The following PTPRD variants were observed in gnomAD, a reference collection of about 807,000 sequenced individuals.
The protein encoded by PTPRD is protein tyrosine phosphatase receptor type D.
A neutral mutation model predicts 214.5 loss-of-function variants in PTPRD; 34 were observed. The ratio of observed to expected loss-of-function variants is 0.16; its 90% CI spans 0.12 to 0.21. The LOEUF is 0.21. Among genes scored for constraint, PTPRD ranks in the 10% least tolerant of loss-of-function variants. The pLI is 1.00. For missense variants in PTPRD, 2,545 were observed against 2,398.7 expected (o/e 1.06, Z -1.27); for synonymous variants, 1,128 against 845.7 (o/e 1.33, Z -5.79).
chr9:9,244,841 G>C (rs2099972241), intron 9 of PTPRD, among the ~76,000 whole-genome samples: 1 of 152,220 alleles, frequency 6.6e-6, no homozygotes, highest in South Asian at 2.1e-4. Context: ...CCATCAGAGT[G>C]AACAGGCAAC....
At chr9:10,173,380 G>A (rs1038692083) in intron 3 of PTPRD, among the ~76,000 whole-genome samples, 8 of 152,068 alleles carry the variant, frequency 5.3e-5, no homozygotes, top group Non-Finnish European at 5.9e-5. Context: ...AATGAGTTAA[G>A]GAAAGTTTAA....
chr9:9,022,047 C>T (rs180827727), intron 10 of PTPRD, among the ~76,000 whole-genome samples: 24 of 151,806 alleles, frequency 1.6e-4, no homozygotes, highest in East Asian at 3.9e-4. Context: ...CCTAGATGAC[C>T]GGTTCATAGG....
At chr9:9,319,116 T>A (rs1373237094) in intron 9 of PTPRD, among the ~76,000 whole-genome samples, 1 of 152,196 alleles carries the variant, frequency 6.6e-6, no homozygotes, top group Non-Finnish European at 1.5e-5. Context: ...AGATTCTTAA[T>A]CTGCAAATCA....
rs148942335 is a variant in PTPRD, at chr9:10,226,547, T to C, written c.-545+114416A>G. 6.3e-4 allele frequency among the ~76,000 whole-genome samples: 96 copies of C among 152,102 alleles called. No individual in the cohort carries two copies. The Middle Eastern group carries it at 0.01, about 16-fold the overall frequency. On this transcript the variant is annotated intron_variant, in intron 3 of 45. Coordinates refer to ENST00000381196, the MANE Select transcript of PTPRD (RefSeq NM_002839.4). ...CCAAGCACTCAAAATATACTCCATT[T>C]CCCCAAAAGCTCAACTTGCTAAACA... is the stretch of plus-strand genomic sequence containing the variant.
chr9:10,388,898 T>C (rs942154), intron 2 of PTPRD, among the ~76,000 whole-genome samples: 97,321 of 151,622 alleles, frequency 0.64, 32,214 homozygotes, highest in Non-Finnish European at 0.74. Flanking sequence ...AATAACCAAT[T>C]GTAAGTATTA....
chr9:8,586,196 A>G (rs113656116), intron 14 of PTPRD, among the ~76,000 whole-genome samples: 112 of 140,138 alleles, frequency 8.0e-4, no homozygotes, highest in African/African-American at 3.3e-3. Context: ...GCTACTTCGG[A>G]GGTTGAGGCA....
chr9:10,270,919 C>T (rs1047471851), intron 3 of PTPRD, among the ~76,000 whole-genome samples: 2 of 152,100 alleles, frequency 1.3e-5, no homozygotes, highest in African/African-American at 4.8e-5. Flanking sequence ...CAGTCTTGAA[C>T]TCCTGAGCTC....
chr9:10,368,671 T>G, intron 2 of PTPRD, among the ~76,000 whole-genome samples: 1 of 152,184 alleles, frequency 6.6e-6, no homozygotes. Flanking sequence ...TTAATCTCAC[T>G]TATGGGAAGG....
Position 9,332,713 on chromosome 9 carries a change from T to C in PTPRD, c.-203+64736A>G, listed in dbSNP as rs368196377. ...AGTAATTGGTTCACAGCTGTGCTTA[T>C]ACTGAGATGGAAATATGAAAATACA... On this transcript the variant is annotated intron_variant, in intron 9 of 45. Coordinates refer to ENST00000381196, the MANE Select transcript of PTPRD (RefSeq NM_002839.4). Among the ~76,000 whole-genome samples the C allele has an allele frequency of 2.6e-5, 4 of 151,848 alleles. No homozygotes were observed. The South Asian group carries it at 6.2e-4, about 24-fold the overall frequency.
At chr9:10,234,172 T>C (rs1594938079) in intron 3 of PTPRD, among the ~76,000 whole-genome samples, 1 of 151,774 alleles carries the variant, frequency 6.6e-6, no homozygotes, top group African/African-American at 2.4e-5. Context: ...GAGAATTGCT[T>C]GAACCCGGGA....
chr9:9,669,416 G>T (rs1417028725), intron 7 of PTPRD, among the ~76,000 whole-genome samples: 1 of 152,080 alleles, frequency 6.6e-6, no homozygotes, highest in Non-Finnish European at 1.5e-5. Flanking sequence ...TTGAAAGAAG[G>T]AGACCAAAAG....
intron 11 of PTPRD, among the ~76,000 whole-genome samples, chr9:8,950,585 T>C (rs1209086779): frequency 2.0e-5 from 3 of 152,130 alleles, no homozygotes; most frequent in Non-Finnish European, 4.4e-5. Context: ...TTTTCAGATG[T>C]CATAACATTG....
chr9:9,461,979 A>G lies in PTPRD; in HGVS notation c.-236-64497T>C, dbSNP rs2093700252. Reference sequence around the variant, plus strand: ...TTCCTTGTATTATAGTATTAAACCAAATTACTTTGTTGTAATCTATTATAG... The same window carrying G: ...TTCCTTGTATTATAGTATTAAACCAGATTACTTTGTTGTAATCTATTATAG... On this transcript the variant is annotated intron_variant, in intron 8 of 45. Coordinates refer to ENST00000381196, the MANE Select transcript of PTPRD (RefSeq NM_002839.4). 2.0e-5 allele frequency among the ~76,000 whole-genome samples: 3 copies of G among 152,080 alleles called. No individual in the cohort carries two copies. In the South Asian group the frequency reaches 6.2e-4, roughly 31 times the overall value.
intron 3 of PTPRD, among the ~76,000 whole-genome samples, chr9:10,045,619 G>A (rs1381147058): frequency 1.3e-5 from 2 of 151,584 alleles, no homozygotes; most frequent in Non-Finnish European, 3.0e-5. Flanking sequence ...AAAATGGAAT[G>A]AATAAAATAC....
intron 8 of PTPRD, among the ~76,000 whole-genome samples, chr9:9,524,796 G>A (rs542376519): frequency 2.6e-4 from 39 of 152,162 alleles, no homozygotes; most frequent in African/African-American, 8.2e-4. Flanking sequence ...TGAAATCTCC[G>A]AATAATTTAC....
intron 2 of PTPRD, among the ~76,000 whole-genome samples, chr9:10,556,515 G>C (rs1018420988): frequency 1.3e-5 from 2 of 152,040 alleles, no homozygotes; most frequent in Admixed American, 6.6e-5. Context: ...TGAGAGTCAC[G>C]TGGTGATACA....
chr9:9,775,975 A>AAAAAAAAAAAAAAAAC (rs2098795630), intron 5 of PTPRD, among the ~76,000 whole-genome samples: 1 of 151,210 alleles, frequency 6.6e-6, no homozygotes, highest in Non-Finnish European at 1.5e-5. Context: ...AAAAAAAAAA[A>AAAAAAAAAAAAAAAAC]AAAAGCAAAT....
intron 14 of PTPRD, among the ~76,000 whole-genome samples, chr9:8,560,939 A>C (rs2086007143): frequency 2.6e-5 from 4 of 152,208 alleles, no homozygotes; most frequent in South Asian, 4.2e-4. Flanking sequence ...AAAAAAAAAA[A>C]AACACTCCGT....
chr9:9,349,210 A>C (rs2050134008), intron 9 of PTPRD, among the ~76,000 whole-genome samples: 1 of 152,090 alleles, frequency 6.6e-6, no homozygotes, highest in Non-Finnish European at 1.5e-5. Context: ...ATCTCTTGCT[A>C]GGTGTTAAAT....
Sources: gnomAD v4.1 joint callset for allele counts (sites outside exome capture counted in the v4.1 genomes callset) on GRCh38, gnomAD v4.1.1 for gene constraint, MANE v1.5 for transcripts, NCBI Gene and HGNC (gene_info 2026-07-23, HGNC 2026-07-21) for gene names.